SNTG1: variants seen among roughly 807,000 people sequenced by gnomAD.
SNTG1 encodes syntrophin gamma 1, also known as gamma-1-syntrophin.
SNTG1 carries 39 observed loss-of-function variants against 74.7 expected under a neutral mutation model. The observed-to-expected ratio is 0.52, with a 90% CI of 0.40 to 0.68. The LOEUF (loss-of-function observed/expected upper bound fraction) is 0.68. SNTG1 is among the 30% of genes least tolerant of loss of function. The pLI is 0.00. For missense variants in SNTG1, 685 were observed against 609.5 expected, an observed-to-expected ratio of 1.12 and a Z score of -1.30; for synonymous variants, 254 against 217.1, an observed-to-expected ratio of 1.17 and a Z score of -1.49.
At chr8:50,124,641 A>G (rs1279767509) in intron 1 of SNTG1, among the ~76,000 whole-genome samples, 1 of 142,148 alleles carries the variant, frequency 7.0e-6, no homozygotes, top group Non-Finnish European at 1.6e-5. Flanking sequence ...CTGCTTATAA[A>G]TTATTGATAT....
intron 1 of SNTG1, among the ~76,000 whole-genome samples, chr8:50,005,900 A>G (rs1815176759): frequency 6.8e-6 from 1 of 147,276 alleles, no homozygotes; most frequent in Admixed American, 6.8e-5. Context: ...AACTGAGCCC[A>G]TGTAGCTTGC....
chr8:50,682,865 C>T (rs2095336786), intron 15 of SNTG1, among the ~76,000 whole-genome samples: 1 of 152,130 alleles, frequency 6.6e-6, no homozygotes, highest in South Asian at 2.1e-4. Flanking sequence ...TTGTTGCCTT[C>T]CTCTCCAAAT....
chr8:49,978,281 A>G (rs1343816030), intron 1 of SNTG1, among the ~76,000 whole-genome samples: 1 of 152,098 alleles, frequency 6.6e-6, no homozygotes, highest in East Asian at 1.9e-4. Flanking sequence ...GAGACAGAAG[A>G]AAGGGGGAAG....
intron 2 of SNTG1, among the ~76,000 whole-genome samples, chr8:50,347,769 G>C (rs548586190): frequency 5.8e-4 from 88 of 152,268 alleles, no homozygotes; most frequent in Non-Finnish European, 1.0e-3. Flanking sequence ...TTCATTGCAA[G>C]AAAGTATGAC....
intron 1 of SNTG1, among the ~76,000 whole-genome samples, chr8:49,938,593 TTTTCTTTTCTTTTC>T (rs1563370868): frequency 1.9e-4 from 4 of 21,214 alleles, no homozygotes; most frequent in Non-Finnish European, 4.2e-4. Context: ...TTTTCTTTTC[TTTTCTTTTCTTTTC>T]TTTCTTTCTT....
chr8:50,687,730 C>T (rs113031551), intron 15 of SNTG1, among the ~76,000 whole-genome samples: 1 of 152,178 alleles, frequency 6.6e-6, no homozygotes, highest in Non-Finnish European at 1.5e-5. Context: ...CCTCGCCCCA[C>T]CCCACAACAG....
chr8:50,516,962 T>C (rs543346101), intron 9 of SNTG1, among the ~76,000 whole-genome samples: 2 of 152,046 alleles, frequency 1.3e-5, no homozygotes, highest in Non-Finnish European at 2.9e-5. Flanking sequence ...AAGACAGTTA[T>C]CAAGAAGAGC....
chr8:50,058,715 T>C (rs1820228729), intron 1 of SNTG1, among the ~76,000 whole-genome samples: 1 of 151,682 alleles, frequency 6.6e-6, no homozygotes, highest in Admixed American at 6.6e-5. Context: ...GTTTTTCAGA[T>C]CCACAATTTT....
At chr8:50,272,268 T>A (rs1407503631) in intron 2 of SNTG1, among the ~76,000 whole-genome samples, 2 of 152,236 alleles carry the variant, frequency 1.3e-5, no homozygotes, top group African/African-American at 4.8e-5. Context: ...TTACCCTTTC[T>A]GTGTGTTTCT....
chr8:50,495,041 C>T (rs866702134), intron 8 of SNTG1, among the ~76,000 whole-genome samples: 61 of 152,088 alleles, frequency 4.0e-4, no homozygotes, highest in African/African-American at 1.4e-3. Flanking sequence ...AACATTATTG[C>T]ATAATTATAC....
chr8:50,352,731 CTAT>C (rs1457117873), intron 2 of SNTG1, among the ~76,000 whole-genome samples: 1 of 152,142 alleles, frequency 6.6e-6, no homozygotes, highest in Non-Finnish European at 1.5e-5. Context: ...GTTAAGACAG[CTAT>C]TAAACATTTT....
At chr8:49,922,686 T>C (rs1361901156) in intron 1 of SNTG1, among the ~76,000 whole-genome samples, 4 of 152,152 alleles carry the variant, frequency 2.6e-5, no homozygotes, top group Admixed American at 6.6e-5. Context: ...TTGGCAATAA[T>C]AGGCAAGTTA....
At position 50,646,023 on chromosome 8, in the gene SNTG1, A is replaced by C. The variant is rs186101173; in HGVS notation, c.850-10886A>C. Among the ~76,000 whole-genome samples the C allele has an allele frequency of 1.6e-3, 241 of 152,326 alleles. 2 individuals carry two copies. The highest frequency in any genetic ancestry group is 0.01 in the Middle Eastern group (3 of 294). Reference sequence around the variant, plus strand: ...AAATGTTTTTGTACTCGTTAAAAAAAGAATATTTCCTGTTTTAATCATCAT... The same window carrying C: ...AAATGTTTTTGTACTCGTTAAAAAACGAATATTTCCTGTTTTAATCATCAT... On this transcript the variant is annotated intron_variant, in intron 13 of 18. Transcript: ENST00000642720.
intron 17 of SNTG1, among the ~76,000 whole-genome samples, chr8:50,724,216 A>G (rs2131599732): frequency 6.6e-6 from 1 of 152,264 alleles, no homozygotes; most frequent in South Asian, 2.1e-4. Flanking sequence ...TGGCTGTGGA[A>G]GATATCACAG....
intron 1 of SNTG1, among the ~76,000 whole-genome samples, chr8:49,960,254 G>A (rs955090079): frequency 3.9e-5 from 6 of 152,080 alleles, no homozygotes; most frequent in Admixed American, 1.3e-4. Flanking sequence ...AATTTGTATC[G>A]ATTTAATGTA....
intron 15 of SNTG1, among the ~76,000 whole-genome samples, chr8:50,678,309 C>T (rs2095317323): frequency 6.6e-6 from 1 of 151,962 alleles, no homozygotes; most frequent in Admixed American, 6.6e-5. Context: ...TATTGCTCAA[C>T]ATTCATTTTT....
chr8:50,540,489 T>C (rs2094338595), intron 11 of SNTG1, among the ~76,000 whole-genome samples: 2 of 152,186 alleles, frequency 1.3e-5, no homozygotes. Flanking sequence ...TGCTGTGTTG[T>C]ACGTATTTCA....
At chr8:50,465,684 G>A (rs2093603445) in intron 8 of SNTG1, among the ~76,000 whole-genome samples, 1 of 152,240 alleles carries the variant, frequency 6.6e-6, no homozygotes, top group South Asian at 2.1e-4. Flanking sequence ...AGAATGCCAA[G>A]TAATTAAAAT....
intron 2 of SNTG1, among the ~76,000 whole-genome samples, chr8:50,291,894 A>T (rs2089132178): frequency 6.6e-6 from 1 of 152,102 alleles, no homozygotes; most frequent in Non-Finnish European, 1.5e-5. Flanking sequence ...AGAAAGGGAG[A>T]CATCAAGATG....
Sources: allele counts gnomAD v4.1 joint callset (sites outside exome capture counted in the v4.1 genomes callset), GRCh38; gene constraint gnomAD v4.1.1; transcripts MANE v1.5; gene names NCBI Gene and HGNC (gene_info 2026-07-23, HGNC 2026-07-21).